Variants in BABAM2 observed in about 807,000 individuals in gnomAD.
BABAM2 encodes BRISC and BRCA1 A complex member 2.
Under a neutral mutation model 54.7 loss-of-function variants are expected in BABAM2, and 31 were observed. The ratio of observed to expected loss-of-function variants is 0.57; its 90% CI spans 0.43 to 0.77. The LOEUF (loss-of-function observed/expected upper bound fraction) is 0.77, where lower values mean the gene tolerates loss of function less well. Among genes scored for constraint, BABAM2 ranks in the 30% least tolerant of loss-of-function variants. The pLI is 0.00. For synonymous variants in BABAM2, 167 were observed against 162.9 expected (o/e 1.03, Z -0.19); for missense variants, 364 against 455.8 (o/e 0.80, Z 1.83).
chr2:28,127,099 C>G lies in BABAM2; in HGVS notation c.571-2172C>G, dbSNP rs545732238. Among the ~76,000 whole-genome samples the G allele has an allele frequency of 8.7e-4, 132 of 152,208 alleles. 1 individual carries two copies. The highest frequency in any genetic ancestry group is 3.4e-3 in the Admixed American group (52 of 15,290). ...TCTGATTTTGTAGGTTGCCTGTTCA[C>G]TCTGATGGTAGTTTCTTTTGCTGTG... is the stretch of plus-strand genomic sequence containing the variant. On this transcript the variant is annotated intron_variant, in intron 6 of 11. Coordinates refer to ENST00000379624, the MANE Select transcript of BABAM2 (RefSeq NM_199191.3).
At chr2:28,323,522 T>G (rs544343604) in intron 11 of BABAM2, among the ~76,000 whole-genome samples, 2 of 152,318 alleles carry the variant, frequency 1.3e-5, no homozygotes, top group South Asian at 4.1e-4. Context: ...AGCAGTGACC[T>G]CAGAAACCAT....
At chr2:28,120,488 G>A (rs1014668363) in intron 6 of BABAM2, among the ~76,000 whole-genome samples, 1 of 152,106 alleles carries the variant, frequency 6.6e-6, no homozygotes, top group Non-Finnish European at 1.5e-5. Context: ...AGCATACATG[G>A]GTTCAAAACT....
At chr2:27,902,420 T>G (rs1244172579) in intron 2 of BABAM2, among the ~76,000 whole-genome samples, 2 of 152,222 alleles carry the variant, frequency 1.3e-5, no homozygotes, top group Non-Finnish European at 2.9e-5. Context: ...CAAAGGTATA[T>G]TCCTAGAAAT....
intron 6 of BABAM2, among the ~76,000 whole-genome samples, chr2:28,091,967 G>A (rs1282418461): frequency 2.0e-5 from 3 of 152,030 alleles, no homozygotes; most frequent in Non-Finnish European, 4.4e-5. Context: ...CTCAATAGTT[G>A]TTATGAGGTA....
intron 7 of BABAM2, among the ~76,000 whole-genome samples, chr2:28,174,398 C>T (rs146127000): frequency 8.5e-5 from 13 of 152,306 alleles, no homozygotes; most frequent in African/African-American, 2.9e-4. Flanking sequence ...TAGACGCATC[C>T]GGCACTTGCC....
rs577080563 is a variant in BABAM2 at position 28,130,639 on chromosome 2, A to G, written c.680+1259A>G. Among the ~76,000 whole-genome samples the G allele has an allele frequency of 7.9e-5, 12 of 152,134 alleles. No individual in the cohort carries two copies. In the South Asian group the frequency reaches 2.5e-3, roughly 32 times the overall value. On this transcript the variant is annotated intron_variant, in intron 7 of 11. Coordinates refer to ENST00000379624, the MANE Select transcript of BABAM2 (RefSeq NM_199191.3). ...AATGTTTTTATTTTTATTTTTGTAG[A>G]GACCGGGTCTCGCTCTATTGCCCAG...
At chr2:28,116,484 A>G (rs982075999) in intron 6 of BABAM2, among the ~76,000 whole-genome samples, 1 of 152,220 alleles carries the variant, frequency 6.6e-6, no homozygotes, top group Middle Eastern at 3.2e-3. Context: ...CCAATTGCTT[A>G]GTTGCCATGG....
At chr2:28,103,258 T>G (rs1573582472) in intron 6 of BABAM2, among the ~76,000 whole-genome samples, 2 of 152,116 alleles carry the variant, frequency 1.3e-5, no homozygotes, top group Admixed American at 6.6e-5. Flanking sequence ...TGTCCTACTT[T>G]GTATTGTGAG....
intron 3 of BABAM2, among the ~76,000 whole-genome samples, chr2:27,956,831 G>T (rs1447026209): frequency 1.3e-5 from 2 of 152,124 alleles, no homozygotes; most frequent in African/African-American, 4.8e-5. Context: ...ATTTTGCTTT[G>T]TAAAAAACAA....
At chr2:28,106,726 T>A (rs2148717649) in intron 6 of BABAM2, among the ~76,000 whole-genome samples, 2 of 152,320 alleles carry the variant, frequency 1.3e-5, no homozygotes, top group East Asian at 3.9e-4. Context: ...CACTGTAAAG[T>A]TACTTTTTTC....
At chr2:28,295,259 A>G (rs1687591543) in intron 10 of BABAM2, among the ~76,000 whole-genome samples, 1 of 152,232 alleles carries the variant, frequency 6.6e-6, no homozygotes, top group Non-Finnish European at 1.5e-5. Context: ...TAGCTTGAAA[A>G]TCACATAGCC....
intron 7 of BABAM2, among the ~76,000 whole-genome samples, chr2:28,165,973 A>G (rs1673631007): frequency 6.6e-6 from 1 of 152,200 alleles, no homozygotes; most frequent in Non-Finnish European, 1.5e-5. Context: ...AGGTAATTAG[A>G]TTAGAATGAG....
At chr2:27,947,616 T>C (rs867245064) in intron 3 of BABAM2, among the ~76,000 whole-genome samples, 3 of 152,190 alleles carry the variant, frequency 2.0e-5, no homozygotes, top group African/African-American at 7.2e-5. Context: ...TTATCAGATG[T>C]ATGATTTGCA....
intron 3 of BABAM2, among the ~76,000 whole-genome samples, chr2:27,969,300 A>G (rs946860124): frequency 1.3e-5 from 2 of 152,222 alleles, no homozygotes; most frequent in Non-Finnish European, 2.9e-5. Flanking sequence ...TATCAGCAGC[A>G]TGAAAACGGA....
At chr2:28,054,038 A>G (rs1184140975) in intron 6 of BABAM2, among the ~76,000 whole-genome samples, 1 of 152,114 alleles carries the variant, frequency 6.6e-6, no homozygotes, top group Non-Finnish European at 1.5e-5. Flanking sequence ...AAAACAAAAC[A>G]ACGTTTATTT....
At chr2:28,161,433 A>G (rs1354678796) in intron 7 of BABAM2, among the ~76,000 whole-genome samples, 2 of 152,080 alleles carry the variant, frequency 1.3e-5, no homozygotes, top group African/African-American at 4.8e-5. Flanking sequence ...GGTAGGTAGA[A>G]AGTAGAAATT....
At chr2:28,222,918 C>T (rs1680548255) in intron 7 of BABAM2, among the ~76,000 whole-genome samples, 2 of 152,198 alleles carry the variant, frequency 1.3e-5, no homozygotes, top group Admixed American at 6.5e-5. Context: ...CCTGCTTCCC[C>T]GCAGGCCCGC....
intron 3 of BABAM2, among the ~76,000 whole-genome samples, chr2:27,957,131 G>A (rs1206298078): frequency 2.6e-5 from 4 of 152,066 alleles, no homozygotes; most frequent in Non-Finnish European, 5.9e-5. Flanking sequence ...AAAAAATGTT[G>A]GTTATTGTCT....
intron 7 of BABAM2, among the ~76,000 whole-genome samples, chr2:28,227,068 T>C (rs1169291753): frequency 6.6e-6 from 1 of 151,990 alleles, no homozygotes; most frequent in Non-Finnish European, 1.5e-5. Flanking sequence ...ACAGATAACA[T>C]TTAGAATTTG....
Sources: allele counts gnomAD v4.1 joint callset (sites outside exome capture counted in the v4.1 genomes callset), GRCh38; gene constraint gnomAD v4.1.1; transcripts MANE v1.5; gene names NCBI Gene and HGNC (gene_info 2026-07-23, HGNC 2026-07-21).